PSMD2: variants seen among roughly 807,000 people sequenced by gnomAD.
The protein encoded by PSMD2 is proteasome 26S subunit ubiquitin receptor, non-ATPase 2, also known as 26S proteasome non-ATPase regulatory subunit 2.
In PSMD2, 8 loss-of-function variants were observed where a neutral mutation model predicts 101.5. That is an observed-to-expected ratio of 0.08 (90% CI 0.05 to 0.14). The LOEUF (loss-of-function observed/expected upper bound fraction) is 0.14. Ranked by LOEUF, PSMD2 falls within the 10% of genes least tolerant of loss-of-function variation. The pLI is 1.00. For synonymous variants in PSMD2, 418 were observed against 433.8 expected (o/e 0.96, Z 0.45); for missense variants, 784 against 1,147.4 (o/e 0.68, Z 4.58).
chr3:184,308,408 C>A lies in PSMD2; in HGVS notation c.2426-41C>A. 6.6e-7 allele frequency: 1 copy of A among 1,514,896 alleles called. No individual in the cohort carries two copies. Among genetic ancestry groups the A allele is most frequent in the South Asian group, 1.2e-5 (1 of 85,722 alleles). 93.8% of individuals were successfully genotyped at this position (1,514,896 alleles called of 1,614,324 possible). A position where few individuals can be genotyped will look rare whatever the true frequency, so the allele number is the denominator to read the frequency against. Reference sequence around the variant, plus strand: ...TCTCAATGTTTCTGGCCAGGCCTGTCTTTTTGTCTCTTAACTTTTTGTCCT... The same window carrying A: ...TCTCAATGTTTCTGGCCAGGCCTGTATTTTTGTCTCTTAACTTTTTGTCCT... On this transcript the variant is annotated intron_variant, in intron 19 of 20. Coordinates refer to ENST00000310118, the MANE Select transcript of PSMD2 (RefSeq NM_002808.5). This position sits in a 1 kb window ranked among gnomAD's most constrained non-coding sequence, Gnocchi z 6.0.
chr3:184,304,185 T>C lies in PSMD2; in HGVS notation c.1451+111T>C. On this transcript the variant is annotated intron_variant, in intron 11 of 20. Transcript: ENST00000310118. This position sits in a 1 kb window ranked among gnomAD's most constrained non-coding sequence, Gnocchi z 4.1. Reference sequence around the variant, plus strand: ...AAGGGCTACCACTGTGCCTATTGGGTATCTGGCTCTTGGTGAATGTTTGTT... The same window carrying C: ...AAGGGCTACCACTGTGCCTATTGGGCATCTGGCTCTTGGTGAATGTTTGTT... 2 of 1,550,540 alleles carry C rather than the reference T, an allele frequency of 1.3e-6. No individual in the cohort carries two copies. Among genetic ancestry groups the C allele is most frequent in the Non-Finnish European group, 8.9e-7 (1 of 1,123,024 alleles).
chr3:184,308,807 T>C lies in PSMD2; in HGVS notation c.2644T>C (p.Leu882=). The C allele has an allele frequency of 2.5e-6, 4 of 1,613,720 alleles. No individual in the cohort carries two copies. The highest frequency in any genetic ancestry group is 3.4e-6 in the Non-Finnish European group (4 of 1,180,010). ...GTTGGCCCACGGGGAACGGGCAGAA[T>C]TGGCCACTGAGGAGTTTCTTCCTGT... The part of the protein sequence containing the change: ...VLLAHGERAE[L]ATEEFLPVTP... Residue 882 remains leucine (L), a synonymous_variant, in exon 21 of 21, where the codon TTG becomes CTG. Coordinates refer to ENST00000310118, the MANE Select transcript of PSMD2 (RefSeq NM_002808.5). This position sits in a 1 kb window ranked among gnomAD's most constrained non-coding sequence, Gnocchi z 6.0.
At chr3:184,301,231 G>A (rs1029143057) in intron 3 of PSMD2, among the ~76,000 whole-genome samples, 4 of 151,580 alleles carry the variant, frequency 2.6e-5, no homozygotes, top group African/African-American at 4.9e-5. Flanking sequence ...AGCTACTTAG[G>A]AAGCTGAGGC....
Position 184,302,079 on chromosome 3 carries a change from A to G in PSMD2, c.704+8A>G. ...CTGCCTTTATCTCACCAGGTGAGTG[A>G]ACATGGTAGGGAAGGGTGGCAGGCA... On this transcript the variant is annotated splice_region_variant and intron_variant, in intron 5 of 20. Transcript: ENST00000310118. 6.2e-7 allele frequency: 1 copy of G among 1,612,720 alleles called. No individual in the cohort carries two copies. The highest frequency in any genetic ancestry group is 8.5e-7 in the Non-Finnish European group (1 of 1,178,870).
intron 13 of PSMD2, 34 bp from the exon 14 acceptor site, chr3:184,306,020 A>C: frequency 6.2e-7 from 1 of 1,613,802 alleles, no homozygotes; most frequent in South Asian, 1.1e-5. Flanking sequence ...GGATGGAGGC[A>C]AGTATCCTCT....
At position 184,307,430 on chromosome 3, in the gene PSMD2, G is replaced by C. The variant is rs749634515; in HGVS notation, c.2108G>C (p.Arg703Pro). The C allele has an allele frequency of 1.9e-6, 3 of 1,614,134 alleles. No individual in the cohort carries two copies. Among genetic ancestry groups the C allele is most frequent in the Admixed American group, 1.7e-5 (1 of 60,016 alleles). ...ALALISVSNP[R>P]LNILDTLSKF... is the part of the protein sequence containing the mutation. ...GCCCTCATCTCTGTTTCAAATCCAC[G>C]ACTCAACATCCTGGATACCCTAAGC... Residue 703 changes from arginine (R) to proline (P), a missense_variant, in exon 17 of 21, where the codon CGA (arginine) becomes CCA (proline). Transcript: ENST00000310118.
At position 184,303,327 on chromosome 3, in the gene PSMD2, G is replaced by A. The variant is rs1721714140; in HGVS notation, c.1077G>A (p.Gly359=). Residue 359 remains glycine (G), a synonymous_variant, in exon 9 of 21, where the codon GGG becomes GGA. Transcript: ENST00000310118. ...YKTHLENNRF[G]GSGSQVDSAR... ...CTCTCCCTCCTGTTGCAGGGTTTGG[G>A]GGCAGTGGCTCTCAGGTGGACTCTG... 1.9e-6 allele frequency: 3 copies of A among 1,612,734 alleles called. No homozygotes were observed. The highest frequency in any genetic ancestry group is 1.3e-5 in the African/African-American group (1 of 74,804).
chr3:184,302,203 G>GT, intron 5 of PSMD2, 132 bp downstream of exon 5: 1 of 1,218,402 alleles, frequency 8.2e-7, no homozygotes. Flanking sequence ...TTTGATGTGT[G>GT]TGAGTTTCTT....
At chr3:184,303,202 T>C in intron 8 of PSMD2, 118 bp from the exon 9 acceptor site, 1 of 1,494,188 alleles carries the variant, frequency 6.7e-7, no homozygotes, top group Admixed American at 1.7e-5. Context: ...CTTGGGGGGG[T>C]ATAGGTAGAG....
chr3:184,301,673 C>T lies in PSMD2; in HGVS notation c.479+15C>T. The T allele has an allele frequency of 6.2e-7, 1 of 1,613,882 alleles. No homozygotes were observed. The highest frequency in any genetic ancestry group is 8.5e-7 in the Non-Finnish European group (1 of 1,179,818). ...GAGTATGTCAGGTAAGATCTTTCTTCTTGGGAATCCGAAGGGGGCTCTGAG... is the reference window on the plus strand; with the variant it reads ...GAGTATGTCAGGTAAGATCTTTCTTTTTGGGAATCCGAAGGGGGCTCTGAG... On this transcript the variant is annotated intron_variant, in intron 4 of 20. Transcript: ENST00000310118.
chr3:184,305,655 T>C (rs1721807321), intron 12 of PSMD2, 113 bp from the exon 13 acceptor site: 1 of 965,584 alleles, frequency 1.0e-6, no homozygotes, highest in Non-Finnish European at 1.5e-6. Context: ...TATTATGAAC[T>C]AATGTTATTA....
chr3:184,303,959 C>T lies in PSMD2; in HGVS notation c.1336C>T (p.Leu446Phe). Residue 446 changes from leucine to phenylalanine, a missense_variant, in exon 11 of 21, where the codon CTT becomes TTT. Leu to Phe is a conservative substitution (Grantham distance 22). This residue lies in a region of PSMD2 where 37 missense variants were observed against 107.0 expected (regional missense o/e 0.35). Transcript: ENST00000310118. Reference sequence around the variant, plus strand: ...TTGCTCTTTGTAGTCAGGAGCTCTTCTTGCCTGTGGCATAGTGAACTCTGG... The same window carrying T: ...TTGCTCTTTGTAGTCAGGAGCTCTTTTTGCCTGTGGCATAGTGAACTCTGG... ...SEDYIKSGAL[L>F]ACGIVNSGVR... 1 of 1,614,256 alleles carries T rather than the reference C, an allele frequency of 6.2e-7. No homozygotes were observed. Among genetic ancestry groups the T allele is most frequent in the East Asian group, 2.2e-5 (1 of 44,890 alleles).
chr3:184,307,690 C>T lies in PSMD2; in HGVS notation c.2280C>T (p.Phe760=), dbSNP rs779953207. 2.5e-5 allele frequency: 41 copies of T among 1,614,046 alleles called. No individual in the cohort carries two copies. The highest frequency in any genetic ancestry group is 3.5e-5 in the Non-Finnish European group (41 of 1,180,028). Residue 760 remains phenylalanine, a synonymous_variant, in exon 18 of 21, where the codon TTC becomes TTT. Coordinates refer to ENST00000310118, the MANE Select transcript of PSMD2 (RefSeq NM_002808.5). Reference sequence around the variant, plus strand: ...ATGCCAAGGACCCAAACAACCTCTTCATGGTGCGCTTGGCACAGGTAAAGA... The same window carrying T: ...ATGCCAAGGACCCAAACAACCTCTTTATGGTGCGCTTGGCACAGGTAAAGA... ...QYHAKDPNNL[F]MVRLAQGLTH...
At position 184,304,528 on chromosome 3, in the gene PSMD2, G is replaced by A; in HGVS notation, c.1539+137G>A. 8.2e-6 allele frequency: 7 copies of A among 857,068 alleles called. No individual in the cohort carries two copies. The highest frequency in any genetic ancestry group is 1.3e-5 in the Non-Finnish European group (7 of 532,336). The allele number at this position is 857,068 out of a possible 1,614,324, so 53.1% of individuals were successfully genotyped here. A position where few individuals can be genotyped will look rare whatever the true frequency, so the allele number is the denominator to read the frequency against. ...CATGCCTGTTGGTGTGTATTGAGGG[G>A]CGTCACCTCAGTGAAACCCCTTGAT... On this transcript the variant is annotated intron_variant, in intron 12 of 20. Transcript: ENST00000310118. This position sits in a 1 kb window ranked among gnomAD's most constrained non-coding sequence, Gnocchi z 4.1.
rs1560196304 is a variant in PSMD2 at position 184,306,282 on chromosome 3, C to T, written c.1805-68C>T. 3.8e-6 allele frequency: 6 copies of T among 1,594,172 alleles called. No homozygotes were observed. In the African/African-American group the frequency reaches 8.1e-5, roughly 22 times the overall value. ...CTGCTCTAGATTCTTTAGACTTCTC[C>T]TGTTTTCCAAAGCTTTTCCTTGGTA... On this transcript the variant is annotated intron_variant, in intron 14 of 20. Transcript: ENST00000310118.
At position 184,304,539 on chromosome 3, in the gene PSMD2, G is replaced by A; in HGVS notation, c.1539+148G>A. On this transcript the variant is annotated intron_variant, in intron 12 of 20. Coordinates refer to ENST00000310118, the MANE Select transcript of PSMD2 (RefSeq NM_002808.5). The surrounding 1 kb of genome is among the most constrained non-coding windows in gnomAD (Gnocchi z 4.1). ...GTGTGTATTGAGGGGCGTCACCTCA[G>A]TGAAACCCCTTGATCTGGGATTCTA... 1 of 781,862 alleles carries A rather than the reference G, an allele frequency of 1.3e-6. No homozygotes were observed. Among genetic ancestry groups the A allele is most frequent in the Non-Finnish European group, 2.1e-6 (1 of 472,958 alleles). The allele number at this position is 781,862 out of a possible 1,614,324, so 48.4% of individuals were successfully genotyped here.
intron 1 of PSMD2, 68 bp from the exon 2 acceptor site, chr3:184,299,783 C>G (rs1262534913): frequency 6.0e-6 from 8 of 1,335,594 alleles, no homozygotes; most frequent in Non-Finnish European, 7.5e-6. Flanking sequence ...TCACCTGCCC[C>G]GGGTAAGTGG....
In PSMD2 at chr3:184,308,026, T is replaced by C; in HGVS notation, c.2425+10T>C. ...CTGGATGTTCGAAACAGTGAGTTCC[T>C]GTCAGAAATTTTATATCATAGCATG... On this transcript the variant is annotated intron_variant, in intron 19 of 20. Coordinates refer to ENST00000310118, the MANE Select transcript of PSMD2 (RefSeq NM_002808.5). The surrounding 1 kb of genome is among the most constrained non-coding windows in gnomAD (Gnocchi z 6.0). The C allele has an allele frequency of 3.7e-6, 6 of 1,613,718 alleles. No homozygotes were observed. The highest frequency in any genetic ancestry group is 5.1e-6 in the Non-Finnish European group (6 of 1,179,986).
At position 184,300,246 on chromosome 3, in the gene PSMD2, C is replaced by T. The variant is rs773645859; in HGVS notation, c.193-34C>T. The T allele has an allele frequency of 1.4e-5, 22 of 1,586,026 alleles. No homozygotes were observed. In the East Asian group the frequency reaches 3.8e-4, roughly 27 times the overall value. On this transcript the variant is annotated intron_variant, in intron 2 of 20. Transcript: ENST00000310118. ...TATTATGACTTGAAGGGGTGTGACT[C>T]CTTTTTGTCTGAGCCCTGTCGTCTC...
Sources: gnomAD v4.1 joint callset for allele counts (sites outside exome capture counted in the v4.1 genomes callset) on GRCh38, gnomAD v4.1.1 for gene constraint, gnomAD v4.1.1 regional missense constraint, Gnocchi (gnomAD v3.1) non-coding constraint, MANE v1.5 for transcripts, NCBI Gene and HGNC (gene_info 2026-07-23, HGNC 2026-07-21) for gene names.